Variants in NCK2 observed in about 807,000 individuals in gnomAD.
NCK2 encodes the protein cytoplasmic protein NCK2.
A neutral mutation model predicts 33.9 loss-of-function variants in NCK2; 16 were observed. That is an observed-to-expected ratio of 0.47 (90% CI 0.32 to 0.72). NCK2 has a LOEUF of 0.72. Ranked by LOEUF, NCK2 falls within the 30% of genes least tolerant of loss-of-function variation. NCK2 has a pLI of 0.03. For synonymous variants in NCK2, 273 were observed against 239.9 expected, an observed-to-expected ratio of 1.14 and a Z score of -1.27; for missense variants, 418 against 537.3, an observed-to-expected ratio of 0.78 and a Z score of 2.19.
intron 2 of NCK2, among the ~76,000 whole-genome samples, chr2:105,816,956 T>C (rs1232994482): frequency 6.6e-6 from 1 of 152,136 alleles, no homozygotes; most frequent in Non-Finnish European, 1.5e-5. Context: ...ATAACCACTT[T>C]TCTGGTGCTT....
intron 4 of NCK2, among the ~76,000 whole-genome samples, chr2:105,888,043 T>A (rs1223824062): frequency 6.6e-6 from 1 of 152,188 alleles, no homozygotes; most frequent in Non-Finnish European, 1.5e-5. Context: ...GGTGTGGGGA[T>A]GTGGAGCTAA....
intron 1 of NCK2, among the ~76,000 whole-genome samples, chr2:105,793,819 G>A (rs961105677): frequency 2.6e-5 from 4 of 152,148 alleles, no homozygotes; most frequent in Non-Finnish European, 5.9e-5. Flanking sequence ...GGGGTTTCAG[G>A]CTCCTTTAGA....
chr2:105,861,080 A>G (rs571988168), intron 3 of NCK2, among the ~76,000 whole-genome samples: 1 of 152,214 alleles, frequency 6.6e-6, no homozygotes, highest in Admixed American at 6.5e-5. Flanking sequence ...ACGGAAAACT[A>G]TCAACCATTT....
intron 2 of NCK2, chr2:105,851,980 A>G (rs1001904515): frequency 1.3e-5 from 2 of 152,210 alleles, no homozygotes; most frequent in Admixed American, 1.3e-4. Context: ...ACCCATTGCT[A>G]TGGCTAACCA....
intron 1 of NCK2, among the ~76,000 whole-genome samples, chr2:105,811,162 CAAAA>C (rs11358569): frequency 2.1e-5 from 3 of 140,190 alleles, no homozygotes; most frequent in Admixed American, 7.0e-5. Flanking sequence ...TGACAGAGTG[CAAAA>C]AAAAAAAAAA....
At chr2:105,860,983 C>G (rs942656926) in intron 3 of NCK2, among the ~76,000 whole-genome samples, 1 of 151,750 alleles carries the variant, frequency 6.6e-6, no homozygotes, top group Non-Finnish European at 1.5e-5. Context: ...TTGTGGATCC[C>G]GAAAGAAGGG....
intron 2 of NCK2, among the ~76,000 whole-genome samples, chr2:105,852,108 G>A (rs1184523485): frequency 1.3e-5 from 2 of 152,120 alleles, no homozygotes; most frequent in South Asian, 2.1e-4. Context: ...ACGGTTGGGC[G>A]GGTCGGGGAG....
chr2:105,886,972 G>A (rs1238385572), intron 4 of NCK2, among the ~76,000 whole-genome samples: 1 of 152,132 alleles, frequency 6.6e-6, no homozygotes, highest in Non-Finnish European at 1.5e-5. Flanking sequence ...TCAGGCCTGT[G>A]GAGTAAATAT....
chr2:105,862,021 T>C (rs1197512795), intron 3 of NCK2, among the ~76,000 whole-genome samples: 1 of 149,162 alleles, frequency 6.7e-6, no homozygotes, highest in Non-Finnish European at 1.5e-5. Flanking sequence ...GGCTGTAAAC[T>C]GCAACCAGGG....
intron 2 of NCK2, among the ~76,000 whole-genome samples, chr2:105,835,405 A>ATATATATATATATATATATATG (rs70953537): frequency 5.3e-5 from 2 of 37,972 alleles, no homozygotes; most frequent in African/African-American, 1.3e-4. Context: ...ATATATATAT[A>ATATATATATATATATATATATG]CGTGTATATA....
chr2:105,860,754 G>A (rs2104600036), intron 3 of NCK2, among the ~76,000 whole-genome samples: 1 of 151,828 alleles, frequency 6.6e-6, no homozygotes, highest in South Asian at 2.1e-4. Context: ...GATGCCGGCG[G>A]CGCTGTAATG....
At chr2:105,807,949 G>A (rs995689594) in intron 1 of NCK2, among the ~76,000 whole-genome samples, 3 of 150,872 alleles carry the variant, frequency 2.0e-5, no homozygotes, top group Non-Finnish European at 4.4e-5. Context: ...CTGTTGCCAG[G>A]CTGGAGTGCA....
intron 3 of NCK2, among the ~76,000 whole-genome samples, chr2:105,879,486 T>C (rs757152355): frequency 6.6e-5 from 10 of 152,264 alleles, no homozygotes; most frequent in Non-Finnish European, 1.0e-4. Context: ...GTTTGTGTTT[T>C]TATATAAGTT....
intron 2 of NCK2, among the ~76,000 whole-genome samples, chr2:105,823,060 G>A (rs1675804606): frequency 1.3e-5 from 2 of 151,806 alleles, no homozygotes. Flanking sequence ...CTGCAGTTGA[G>A]GTTCTCAAAC....
chr2:105,793,261 C>T (rs1438557559), intron 1 of NCK2, among the ~76,000 whole-genome samples: 3 of 151,338 alleles, frequency 2.0e-5, no homozygotes, highest in Non-Finnish European at 2.9e-5. Context: ...CAGAGTGCTG[C>T]CTGTTTTTTT....
chr2:105,869,390 C>T (rs952250567), intron 3 of NCK2, among the ~76,000 whole-genome samples: 2 of 152,138 alleles, frequency 1.3e-5, no homozygotes, highest in Non-Finnish European at 2.9e-5. Flanking sequence ...CTCATAACAG[C>T]CCCACGGGTA....
chr2:105,772,895 A>ATTTTT (rs34721498), intron 1 of NCK2, among the ~76,000 whole-genome samples: 4 of 133,114 alleles, frequency 3.0e-5, no homozygotes, highest in Admixed American at 7.6e-5. Flanking sequence ...ACGTGTCCAC[A>ATTTTT]TTTTTTTTTT....
intron 2 of NCK2, among the ~76,000 whole-genome samples, chr2:105,835,413 A>G (rs1235781675): frequency 6.7e-4 from 54 of 80,804 alleles, no homozygotes; most frequent in East Asian, 3.4e-3. Flanking sequence ...ATACGTGTAT[A>G]TATATATATA....
At chr2:105,858,552 A>C (rs533845492) in intron 3 of NCK2, among the ~76,000 whole-genome samples, 1 of 152,154 alleles carries the variant, frequency 6.6e-6, no homozygotes, top group Non-Finnish European at 1.5e-5. Flanking sequence ...TAATTCATAA[A>C]TCCATGGTAA....
Sources: gnomAD v4.1 joint callset for allele counts (sites outside exome capture counted in the v4.1 genomes callset) on GRCh38, gnomAD v4.1.1 for gene constraint, MANE v1.5 for transcripts, NCBI Gene and HGNC (gene_info 2026-07-23, HGNC 2026-07-21) for gene names.